FREM2: variants seen among roughly 807,000 people sequenced by gnomAD.
FREM2 encodes FRAS1 related extracellular matrix 2.
In FREM2, 119 loss-of-function variants were observed where a neutral mutation model predicts 219.9. That is an observed-to-expected ratio of 0.54 (90% CI 0.47 to 0.63). FREM2 has a LOEUF of 0.63. Among genes scored for constraint, FREM2 ranks in the 30% least tolerant of loss-of-function variants. The pLI is 0.00. For synonymous variants in FREM2, 1,562 were observed against 1,522.8 expected, an observed-to-expected ratio of 1.03 and a Z score of -0.60; for missense variants, 4,030 against 3,993.6, an observed-to-expected ratio of 1.01 and a Z score of -0.25.
At chr13:38,795,620 G>T (rs746808713) in intron 6 of FREM2, among the ~76,000 whole-genome samples, 2 of 151,952 alleles carry the variant, frequency 1.3e-5, no homozygotes, top group African/African-American at 2.4e-5. Context: ...CAGCTACTTT[G>T]AAATATACAA....
At chr13:38,793,067 A>G (rs984148825) in intron 6 of FREM2, among the ~76,000 whole-genome samples, 48 of 152,252 alleles carry the variant, frequency 3.2e-4, no homozygotes, top group African/African-American at 1.1e-3. Context: ...ATTGCAGTTT[A>G]ATAAATTTTT....
intron 6 of FREM2, among the ~76,000 whole-genome samples, chr13:38,842,275 A>T (rs1051740521): frequency 6.6e-6 from 1 of 152,204 alleles, no homozygotes; most frequent in Non-Finnish European, 1.5e-5. Context: ...CTTTCAGCAA[A>T]GGGAGTACTA....
rs763026321 is a variant in FREM2, at chr13:38,689,165, G to C, written c.1821G>C (p.Thr607=). The change falls in exon 1 of 24, where the codon ACG becomes ACC. Residue 607 remains threonine, a synonymous_variant. Transcript: ENST00000280481. Reference sequence around the variant, plus strand: ...TGCTGGAGTCACCCTTCTTAACTACGGGGCATCTGCTTCTCCGCCAAACTC... The same window carrying C: ...TGCTGGAGTCACCCTTCTTAACTACCGGGCATCTGCTTCTCCGCCAAACTC... ...LFVLESPFLT[T]GHLLLRQTHP... The C allele has an allele frequency of 2.5e-6, 4 of 1,613,774 alleles. No homozygotes were observed. Among genetic ancestry groups the C allele is most frequent in the Admixed American group, 3.3e-5 (2 of 59,992 alleles).
intron 4 of FREM2, among the ~76,000 whole-genome samples, chr13:38,771,075 G>A (rs1873643966): frequency 1.3e-5 from 2 of 152,140 alleles, no homozygotes; most frequent in African/African-American, 4.8e-5. Flanking sequence ...GACCTGTGTG[G>A]AAATCCCTGT....
At chr13:38,849,372 T>G (rs1877285642) in intron 8 of FREM2, among the ~76,000 whole-genome samples, 1 of 152,176 alleles carries the variant, frequency 6.6e-6, no homozygotes, top group South Asian at 2.1e-4. Flanking sequence ...TGAGTGTCAA[T>G]AATCTTTCTC....
At position 38,884,651 on chromosome 13, in the gene FREM2, G is replaced by A. The variant is rs530023551; in HGVS notation, c.*3864G>A. ...AGCAGTAATAAAAGGATGAAAACAA[G>A]TGTCTTCACTAAGCGTATGGCCAAT... On this transcript the variant is annotated 3_prime_UTR_variant, in exon 24 of 24. Transcript: ENST00000280481. 6.6e-6 allele frequency: 1 copy of A among 152,266 alleles called. No individual in the cohort carries two copies. Among genetic ancestry groups the A allele is most frequent in the South Asian group, 2.1e-4 (1 of 4,826 alleles). The allele number at this position is 152,266 out of a possible 1,614,324, so 9.4% of individuals were successfully genotyped here.
chr13:38,867,892 G>A (rs1038951883), intron 16 of FREM2, among the ~76,000 whole-genome samples: 4 of 152,208 alleles, frequency 2.6e-5, no homozygotes, highest in African/African-American at 9.7e-5. Context: ...GAGTGAGGAT[G>A]GGTCTTCCTT....
intron 16 of FREM2, among the ~76,000 whole-genome samples, chr13:38,869,792 A>G (rs1446901937): frequency 6.6e-6 from 1 of 152,218 alleles, no homozygotes. Context: ...AATGGTTATT[A>G]AAGTTAAATT....
At chr13:38,769,508 G>A in intron 3 of FREM2, 70 bp from the exon 4 acceptor site, 1 of 1,389,358 alleles carries the variant, frequency 7.2e-7, no homozygotes, top group Admixed American at 1.9e-5. Flanking sequence ...CATGCAAAAA[G>A]TTAACAAGGA....
chr13:38,870,091 T>C (rs1422910811), intron 16 of FREM2, among the ~76,000 whole-genome samples: 2 of 152,192 alleles, frequency 1.3e-5, no homozygotes, highest in African/African-American at 4.8e-5. Context: ...TAAACAAATT[T>C]TTTTCTTAGT....
At chr13:38,821,878 C>A (rs907734179) in intron 6 of FREM2, 2 of 152,182 alleles carry the variant, frequency 1.3e-5, no homozygotes, top group Non-Finnish European at 2.9e-5. Flanking sequence ...GCAGTGACGG[C>A]TTTCAGAAGG....
rs201521700 is a variant in FREM2 at position 38,880,281 on chromosome 13, T to C, written c.9007-3T>C. On this transcript the variant is annotated splice_region_variant and splice_polypyrimidine_tract_variant and intron_variant, in intron 23 of 23. Transcript: ENST00000280481. The stretch of plus-strand genomic sequence containing the variant: ...TCCTAATAAATAGAGTTGTGCTTTC[T>C]AGGTCGCTCTAGGCCGAGAATGGTA... The C allele has an allele frequency of 1.2e-5, 20 of 1,613,602 alleles. No individual in the cohort carries two copies. Among genetic ancestry groups the C allele is most frequent in the Admixed American group, 1.0e-4 (6 of 60,026 alleles).
intron 2 of FREM2, among the ~76,000 whole-genome samples, chr13:38,707,087 A>G (rs766711918): frequency 5.9e-5 from 9 of 152,230 alleles, no homozygotes; most frequent in Non-Finnish European, 8.8e-5. Flanking sequence ...TACTAAGATT[A>G]TTAATTTATT....
chr13:38,792,096 C>A (rs912539294), intron 6 of FREM2, among the ~76,000 whole-genome samples: 6 of 152,160 alleles, frequency 3.9e-5, no homozygotes, highest in Non-Finnish European at 8.8e-5. Context: ...CCTGTAACCC[C>A]AGCACTTTGG....
rs575296160 is a variant in FREM2 at position 38,690,960 on chromosome 13, C to T, written c.3616C>T (p.Leu1206=). The change falls in exon 1 of 24, where the codon CTG becomes TTG. Residue 1206 remains leucine, a synonymous_variant. Coordinates refer to ENST00000280481, the MANE Select transcript of FREM2 (RefSeq NM_207361.6). ...ATTTATGGTGATGGAAGGCATGAGT[C>T]TGGTAATTGATACACCCATTCTCAA... ...REFMVMEGMS[L]VIDTPILNAA... 26 of 1,614,104 alleles carry T rather than the reference C, an allele frequency of 1.6e-5. No individual in the cohort carries two copies. In the African/African-American group the frequency reaches 2.3e-4, roughly 14 times the overall value.
At chr13:38,735,672 G>T (rs1871962930) in intron 2 of FREM2, among the ~76,000 whole-genome samples, 1 of 152,164 alleles carries the variant, frequency 6.6e-6, no homozygotes, top group South Asian at 2.1e-4. Flanking sequence ...ATAATGAGGA[G>T]TCCAAAAATG....
intron 2 of FREM2, among the ~76,000 whole-genome samples, chr13:38,758,496 G>C (rs1011899195): frequency 6.6e-6 from 1 of 152,178 alleles, no homozygotes. Flanking sequence ...CCAGGCTCTA[G>C]TTTGTGCACA....
In FREM2 at chr13:38,784,774, G is replaced by A; in HGVS notation, c.5985G>A (p.Gly1995=). ...GAAGAATCGGATCAGAGTTCCCAGG[G>A]GCTCAAGTTACAATCGTTCCTGACA... ...MGGRIGSEFP[G]AQVTIVPDKD... is the part of the protein sequence containing the mutation. Residue 1995 remains glycine, a synonymous_variant, in exon 6 of 24, where the codon GGG becomes GGA. Transcript: ENST00000280481. 1 of 1,614,096 alleles carries A rather than the reference G, an allele frequency of 6.2e-7. No homozygotes were observed. The highest frequency in any genetic ancestry group is 2.2e-5 in the East Asian group (1 of 44,856).
chr13:38,716,504 T>G (rs1415355914), intron 2 of FREM2, among the ~76,000 whole-genome samples: 1 of 152,032 alleles, frequency 6.6e-6, no homozygotes, highest in Non-Finnish European at 1.5e-5. Flanking sequence ...AGTAATCATC[T>G]CTGTTCTTTC....
Sources: allele counts gnomAD v4.1 joint callset (sites outside exome capture counted in the v4.1 genomes callset), GRCh38; gene constraint gnomAD v4.1.1; transcripts MANE v1.5; gene names NCBI Gene and HGNC (gene_info 2026-07-23, HGNC 2026-07-21).